NEK11: variants seen among roughly 807,000 people sequenced by gnomAD.
NEK11 encodes NIMA related kinase 11.
Under a neutral mutation model 80.7 loss-of-function variants are expected in NEK11, and 72 were observed. The ratio of observed to expected loss-of-function variants is 0.89; its 90% CI spans 0.74 to 1.08. NEK11 has a LOEUF of 1.08. NEK11 is among the 50% of genes least tolerant of loss of function. The pLI is 0.00. For synonymous variants in NEK11, 251 were observed against 260.7 expected (o/e 0.96, Z 0.36); for missense variants, 764 against 763.6 (o/e 1.00, Z -0.01).
chr3:131,138,994 A>G (rs1006791552), intron 7 of NEK11, among the ~76,000 whole-genome samples: 1 of 152,152 alleles, frequency 6.6e-6, no homozygotes, highest in South Asian at 2.1e-4. Flanking sequence ...ACAAGTGTCA[A>G]GACCAACCAG....
intron 13 of NEK11, 57 bp from the exon 14 acceptor site, chr3:131,170,716 T>C (rs2092628510): frequency 9.9e-7 from 1 of 1,009,496 alleles, no homozygotes. Flanking sequence ...TTTTCATTTG[T>C]GGTAGTGCTG....
intron 4 of NEK11, among the ~76,000 whole-genome samples, chr3:131,094,751 A>G (rs1293675607): frequency 6.6e-6 from 1 of 152,182 alleles, no homozygotes; most frequent in African/African-American, 2.4e-5. Flanking sequence ...GTAAGTATTC[A>G]AATGATCCAG....
chr3:131,202,809 C>G (rs1188950504), intron 14 of NEK11, among the ~76,000 whole-genome samples: 1 of 152,172 alleles, frequency 6.6e-6, no homozygotes, highest in African/African-American at 2.4e-5. Flanking sequence ...ATTTGCGCAG[C>G]CAACAGACAC....
chr3:131,187,455 G>T (rs1264133456), intron 14 of NEK11, among the ~76,000 whole-genome samples: 3 of 152,144 alleles, frequency 2.0e-5, no homozygotes, highest in Non-Finnish European at 4.4e-5. Context: ...ACTCACAAAA[G>T]ATTCTATTTC....
At position 131,204,605 on chromosome 3, in the gene NEK11, G is replaced by A. The variant is rs572474498; in HGVS notation, c.1400-23923G>A. Among the ~76,000 whole-genome samples, 3 of 151,984 alleles carry A rather than the reference G, an allele frequency of 2.0e-5. No homozygotes were observed. The South Asian group carries it at 6.3e-4, about 32-fold the overall frequency. The stretch of plus-strand genomic sequence containing the variant: ...TGTGGGAAAAACACCCACACATTTG[G>A]TCACAGGTGTCTTCTGTATTGATTG... On this transcript the variant is annotated intron_variant, in intron 14 of 17. Coordinates refer to ENST00000383366, the MANE Select transcript of NEK11 (RefSeq NM_024800.5).
intron 12 of NEK11, among the ~76,000 whole-genome samples, chr3:131,167,818 G>C (rs1483363294): frequency 6.6e-6 from 1 of 152,164 alleles, no homozygotes; most frequent in Non-Finnish European, 1.5e-5. Context: ...CTTCCCATCA[G>C]CAAGGAGCAA....
intron 17 of NEK11, among the ~76,000 whole-genome samples, chr3:131,339,413 G>T (rs1192574307): frequency 6.6e-6 from 1 of 152,178 alleles, no homozygotes; most frequent in Admixed American, 6.5e-5. Flanking sequence ...CACTCACCCA[G>T]TGCCACCCAG....
intron 4 of NEK11, among the ~76,000 whole-genome samples, chr3:131,095,818 G>T (rs1039691418): frequency 5.3e-5 from 8 of 152,078 alleles, no homozygotes; most frequent in African/African-American, 7.2e-5. Flanking sequence ...GTTTGAGGTC[G>T]AAAGGCCTTA....
intron 3 of NEK11, among the ~76,000 whole-genome samples, chr3:131,030,440 A>G (rs1307213040): frequency 1.3e-5 from 2 of 152,254 alleles, no homozygotes; most frequent in African/African-American, 4.8e-5. Flanking sequence ...GGCATGCCAC[A>G]GTCTCAGTGA....
At chr3:131,120,748 C>T (rs1217548926) in intron 5 of NEK11, among the ~76,000 whole-genome samples, 1 of 152,036 alleles carries the variant, frequency 6.6e-6, no homozygotes, top group Non-Finnish European at 1.5e-5. Context: ...TTACTGGTAC[C>T]CTTTCGTCCA....
intron 17 of NEK11, among the ~76,000 whole-genome samples, chr3:131,331,899 G>A (rs577288376): frequency 4.1e-4 from 62 of 152,350 alleles, no homozygotes; most frequent in African/African-American, 1.3e-3. Context: ...CAAGGCGGCA[G>A]CGAGGCTGGG....
At chr3:131,099,615 C>A (rs555543053) in intron 4 of NEK11, among the ~76,000 whole-genome samples, 7 of 152,094 alleles carry the variant, frequency 4.6e-5, no homozygotes, top group African/African-American at 1.7e-4. Flanking sequence ...AATGTTTTTT[C>A]CATTTATTAG....
At chr3:131,303,432 A>G (rs1193764980) in intron 17 of NEK11, among the ~76,000 whole-genome samples, 2 of 152,132 alleles carry the variant, frequency 1.3e-5, no homozygotes, top group African/African-American at 4.8e-5. Flanking sequence ...TCAACGGTCT[A>G]TGTATTTAAG....
At chr3:131,215,513 G>T (rs1454131936) in intron 14 of NEK11, among the ~76,000 whole-genome samples, 1 of 152,172 alleles carries the variant, frequency 6.6e-6, no homozygotes, top group Non-Finnish European at 1.5e-5. Context: ...TGGGCAAGGG[G>T]GTTGCCCAGA....
At chr3:131,048,575 A>C (rs2067811021) in intron 3 of NEK11, among the ~76,000 whole-genome samples, 1 of 152,112 alleles carries the variant, frequency 6.6e-6, no homozygotes. Flanking sequence ...TTCCCCAGTG[A>C]GGGTGTGTGT....
intron 14 of NEK11, among the ~76,000 whole-genome samples, chr3:131,226,478 T>C (rs1054050647): frequency 6.6e-6 from 1 of 152,132 alleles, no homozygotes; most frequent in Non-Finnish European, 1.5e-5. Context: ...ATATACACCA[T>C]GCAATACTAC....
intron 14 of NEK11, among the ~76,000 whole-genome samples, chr3:131,192,113 A>G (rs1393240954): frequency 6.6e-6 from 1 of 152,190 alleles, no homozygotes; most frequent in Non-Finnish European, 1.5e-5. Flanking sequence ...AGCCCAATTA[A>G]AAAATGGACA....
At chr3:131,102,634 C>G (rs192350194) in intron 4 of NEK11, among the ~76,000 whole-genome samples, 2 of 152,288 alleles carry the variant, frequency 1.3e-5, no homozygotes, top group Non-Finnish European at 2.9e-5. Flanking sequence ...CTTGGTGAAT[C>G]TGATGACTAT....
intron 14 of NEK11, among the ~76,000 whole-genome samples, chr3:131,183,758 A>G (rs1328386938): frequency 2.0e-5 from 3 of 152,164 alleles, no homozygotes; most frequent in Non-Finnish European, 4.4e-5. Flanking sequence ...ATGTGCATGT[A>G]TCTTTATAAC....
Sources: allele counts gnomAD v4.1 joint callset (sites outside exome capture counted in the v4.1 genomes callset), GRCh38; gene constraint gnomAD v4.1.1; transcripts MANE v1.5; gene names NCBI Gene and HGNC (gene_info 2026-07-23, HGNC 2026-07-21).